The following UBR4 variants were observed in gnomAD, a reference collection of about 807,000 sequenced individuals.
UBR4 encodes ubiquitin protein ligase E3 component n-recognin 4, also known as E3 ubiquitin-protein ligase UBR4.
In UBR4, 124 loss-of-function variants were observed where a neutral mutation model predicts 575.6. The ratio of observed to expected loss-of-function variants is 0.22; its 90% CI spans 0.19 to 0.25. The LOEUF is 0.25. Ranked by LOEUF, UBR4 falls within the 10% of genes least tolerant of loss-of-function variation. UBR4 has a pLI of 1.00. For synonymous variants in UBR4, 2,455 were observed against 2,473.7 expected (o/e 0.99, Z 0.22); for missense variants, 4,818 against 6,478.8 (o/e 0.74, Z 8.80).
intron 84 of UBR4, 59 bp from the exon 85 acceptor site, chr1:19,105,248 A>C: frequency 1.3e-4 from 202 of 1,547,028 alleles, no homozygotes; most frequent in Non-Finnish European, 1.7e-4. Flanking sequence ...GAACAGCTCC[A>C]AGGCTCCCCT....
At chr1:19,202,348 A>G (rs1039212474) in intron 1 of UBR4, among the ~76,000 whole-genome samples, 29 of 152,186 alleles carry the variant, frequency 1.9e-4, no homozygotes, top group African/African-American at 7.0e-4. Flanking sequence ...CAGGATATCA[A>G]TCTGTTCTAT....
Position 19,173,296 on chromosome 1 carries a change from A to G in UBR4, c.3176T>C (p.Ile1059Thr). ...ATGCTCAGCCTTCATTCCCTGTTTG[A>G]TAAGGTGATCCTATTTGGACAGCAA... ...SYVNWIKDHL[I>T]KQGMKAEHAS... Residue 1059 changes from isoleucine (I) to threonine (T), a missense_variant, in exon 24 of 106, where the codon ATC (isoleucine) becomes ACC (threonine). Physicochemically the swap from Ile to Thr is moderately conservative, Grantham distance 89. Coordinates refer to ENST00000375254, the MANE Select transcript of UBR4 (RefSeq NM_020765.3). The G allele has an allele frequency of 6.2e-7, 1 of 1,614,176 alleles. No individual in the cohort carries two copies. The highest frequency in any genetic ancestry group is 8.5e-7 in the Non-Finnish European group (1 of 1,180,026).
At chr1:19,185,641 T>C (rs936764881) in intron 14 of UBR4, among the ~76,000 whole-genome samples, 1 of 151,400 alleles carries the variant, frequency 6.6e-6, no homozygotes, top group Non-Finnish European at 1.5e-5. Context: ...TGGTGCAATA[T>C]TGGCTCGCCG....
intron 54 of UBR4, 90 bp from the exon 55 acceptor site, chr1:19,144,181 A>ACCACT: frequency 8.4e-7 from 1 of 1,197,430 alleles, no homozygotes; most frequent in Admixed American, 1.8e-5. Context: ...TCACTCACTC[A>ACCACT]CATGCAAGTG....
At chr1:19,087,388 C>T (rs910406640) in intron 99 of UBR4, among the ~76,000 whole-genome samples, 1 of 152,234 alleles carries the variant, frequency 6.6e-6, no homozygotes, top group Non-Finnish European at 1.5e-5. Flanking sequence ...CTGATTTTCT[C>T]CCCAGTTACC....
Position 19,190,312 on chromosome 1 carries a change from A to AAAAAAAAAAT in UBR4, c.1394+1875_1394+1876insATTTTTTTTT. On this transcript the variant is annotated intron_variant, in intron 11 of 105. Coordinates refer to ENST00000375254, the MANE Select transcript of UBR4 (RefSeq NM_020765.3). ...TGCCTCAAAAAAAAAAAAAAAAAAA[A>AAAAAAAAAAT]ATATATATATATATATATTTGTATG... 8.8e-5 allele frequency among the ~76,000 whole-genome samples: 7 copies of AAAAAAAAAAT among 79,918 alleles called. No individual in the cohort carries two copies. In the South Asian group the frequency reaches 1.2e-3, roughly 14 times the overall value. The allele number at this position is 79,918 out of a possible 152,430, so 52.4% of individuals were successfully genotyped here.
In UBR4 at chr1:19,165,777, C is replaced by T; in HGVS notation, c.4110-20G>A. The T allele has an allele frequency of 1.3e-6, 2 of 1,595,530 alleles. No individual in the cohort carries two copies. Among genetic ancestry groups the T allele is most frequent in the Non-Finnish European group, 1.7e-6 (2 of 1,167,210 alleles). On this transcript the variant is annotated intron_variant, in intron 29 of 105. Transcript: ENST00000375254. ...AGTCCACTGAGGATCAAACGGAAAA[C>T]TTAACCACCAGTATTAAGACCTGTT...
intron 27 of UBR4, among the ~76,000 whole-genome samples, chr1:19,168,874 A>C (rs2088978972): frequency 6.6e-6 from 1 of 151,550 alleles, no homozygotes; most frequent in South Asian, 2.1e-4. Context: ...GCTACTCGGG[A>C]GGCTGAGGCA....
At chr1:19,187,654 ACCTTC>A in intron 11 of UBR4, 114 bp from the exon 12 acceptor site, 1 of 946,308 alleles carries the variant, frequency 1.1e-6, no homozygotes, top group Admixed American at 2.8e-5. Context: ...GACTCTGTGG[ACCTTC>A]AGAAAAAAAA....
At chr1:19,164,048 G>A (rs948353275) in intron 33 of UBR4, among the ~76,000 whole-genome samples, 1 of 152,032 alleles carries the variant, frequency 6.6e-6, no homozygotes, top group Non-Finnish European at 1.5e-5. Flanking sequence ...AATTATCTTG[G>A]GAACAATGAA....
chr1:19,097,801 A>G (rs965694087), intron 90 of UBR4, among the ~76,000 whole-genome samples: 8 of 152,214 alleles, frequency 5.3e-5, no homozygotes. Context: ...CAAAACAGGA[A>G]AAGAGAGTAC....
At chr1:19,143,232 AAGGC>A (rs200999896) in intron 55 of UBR4, among the ~76,000 whole-genome samples, 31,245 of 107,080 alleles carry the variant, frequency 0.29, 5,039 homozygotes, top group East Asian at 0.59. Context: ...GGAAGGAAGG[AAGGC>A]AGGAAGGAAG....
chr1:19,117,917 A>G lies in UBR4; in HGVS notation c.10542-7T>C, dbSNP rs765267608. On this transcript the variant is annotated splice_region_variant and splice_polypyrimidine_tract_variant and intron_variant, in intron 71 of 105. Transcript: ENST00000375254. This position sits in a 1 kb window ranked among gnomAD's most constrained non-coding sequence, Gnocchi z 4.0. ...CACTAAGCCAGACAAAGTGCTAAGG[A>G]AGAAACCAGTCTTAGCATGAACACA... 3.1e-6 allele frequency: 5 copies of G among 1,612,826 alleles called. No homozygotes were observed. In the African/African-American group the frequency reaches 6.7e-5, roughly 22 times the overall value.
rs2077349193 is a variant in UBR4 at position 19,089,897 on chromosome 1, C to T, written c.14212-920G>A. 6.6e-6 allele frequency among the ~76,000 whole-genome samples: 1 copy of T among 152,244 alleles called. No individual in the cohort carries two copies. Among genetic ancestry groups the T allele is most frequent in the Non-Finnish European group, 1.5e-5 (1 of 68,048 alleles). ...AGCCCATATTTCAACTCCTACTGAG[C>T]TTTTCCACAGGTACCCCAAACTCAA... On this transcript the variant is annotated intron_variant, in intron 97 of 105. Transcript: ENST00000375254. The surrounding 1 kb of genome is among the most constrained non-coding windows in gnomAD (Gnocchi z 4.3).
At chr1:19,187,083 T>C (rs565283029) in intron 13 of UBR4, 81 bp downstream of exon 13, 3 of 899,512 alleles carry the variant, frequency 3.3e-6, no homozygotes, top group South Asian at 5.2e-5. Flanking sequence ...GTTTTATATA[T>C]ATATATATAT....
chr1:19,122,692 G>T, intron 66 of UBR4, 141 bp downstream of exon 66: 1 of 941,358 alleles, frequency 1.1e-6, no homozygotes, highest in Non-Finnish European at 1.6e-6. Context: ...AGGGGTTATG[G>T]ATTTACCCTC....
At chr1:19,154,647 A>G (rs2086199697) in intron 44 of UBR4, among the ~76,000 whole-genome samples, 1 of 152,220 alleles carries the variant, frequency 6.6e-6, no homozygotes, top group Admixed American at 6.5e-5. Context: ...TTATAACATT[A>G]ACTATAGGTT....
In UBR4 at chr1:19,144,926, T is replaced by C; in HGVS notation, c.7946-19A>G. On this transcript the variant is annotated intron_variant, in intron 53 of 105. Coordinates refer to ENST00000375254, the MANE Select transcript of UBR4 (RefSeq NM_020765.3). ...GTTAGTCCTAAAGGAGAGACAAACA[T>C]TATTTGAAAATCTGGAGGAAAAAAC... The C allele has an allele frequency of 6.2e-7, 1 of 1,611,132 alleles. No individual in the cohort carries two copies.
rs1293805677 is a variant in UBR4 at position 19,088,789 on chromosome 1, C to T, written c.14400G>A (p.Arg4800=). The change falls in exon 98 of 106, where the codon AGG becomes AGA. Residue 4800 remains arginine, a synonymous_variant. Transcript: ENST00000375254. The surrounding 1 kb of genome is among the most constrained non-coding windows in gnomAD (Gnocchi z 4.0). ...TGCCCAGGGTGCCCAGGGCCTTCTG[C>T]CTCATTGCCATGGCCATGCGCTTCT... The part of the protein sequence containing the change: ...AEKKRMAMAM[R]QKALGTLGMT... The T allele has an allele frequency of 2.5e-6, 4 of 1,613,948 alleles. No individual in the cohort carries two copies. Among genetic ancestry groups the T allele is most frequent in the South Asian group, 2.2e-5 (2 of 91,066 alleles).
Sources: allele counts gnomAD v4.1 joint callset (sites outside exome capture counted in the v4.1 genomes callset), GRCh38; gene constraint gnomAD v4.1.1; non-coding constraint Gnocchi (gnomAD v3.1); transcripts MANE v1.5; gene names NCBI Gene and HGNC (gene_info 2026-07-23, HGNC 2026-07-21).